NOC3L: variants seen among roughly 807,000 people sequenced by gnomAD.
The protein encoded by NOC3L is nucleolar complex protein 3 homolog.
NOC3L carries 85 observed loss-of-function variants against 102.5 expected under a neutral mutation model. The observed-to-expected ratio is 0.83, with a 90% CI of 0.70 to 0.99. The LOEUF (loss-of-function observed/expected upper bound fraction) is 0.99. Among genes scored for constraint, NOC3L ranks in the 50% least tolerant of loss-of-function variants. The pLI is 0.00. For synonymous variants in NOC3L, 303 were observed against 309.4 expected (o/e 0.98, Z 0.22); for missense variants, 878 against 914.9 (o/e 0.96, Z 0.52).
intron 1 of NOC3L, 28 bp from the exon 2 acceptor site, chr10:94,361,900 T>C (rs1214550232): frequency 6.7e-7 from 1 of 1,487,916 alleles, no homozygotes; most frequent in African/African-American, 1.4e-5. Flanking sequence ...GAATACTGCA[T>C]ACCCAGAAAC....
intron 20 of NOC3L, 63 bp from the exon 21 acceptor site, chr10:94,334,368 G>T: frequency 9.6e-7 from 1 of 1,046,202 alleles, no homozygotes; most frequent in Non-Finnish European, 1.4e-6. Context: ...GCCAACCTGT[G>T]AACCAAGTTG....
At chr10:94,342,553 TACACACACACACAC>T (rs3052367) in intron 13 of NOC3L, among the ~76,000 whole-genome samples, 5 of 148,078 alleles carry the variant, frequency 3.4e-5, no homozygotes, top group Admixed American at 1.4e-4. Context: ...TGCATGAAGA[TACACACACACACAC>T]ACACACACAC....
At chr10:94,316,644 A>G in the NOC3L span, 1 of 1,611,450 alleles carries the variant, frequency 6.2e-7, no homozygotes, top group Non-Finnish European at 8.5e-7. Flanking sequence ...GAATGTAGGA[A>G]ACAACCATTC....
chr10:94,325,650 T>C, the NOC3L span: 4 of 151,964 alleles, frequency 2.6e-5, no homozygotes, highest in Admixed American at 6.5e-5. Context: ...GCTTTTGTAA[T>C]TTTAGACCCC....
chr10:94,325,317 G>C, the NOC3L span: 1 of 483,478 alleles, frequency 2.1e-6, no homozygotes, highest in South Asian at 2.1e-5. Flanking sequence ...AAGGGAAAGA[G>C]GCTGGGCGTG....
At chr10:94,341,431 T>TAAA (rs1285347169) in intron 14 of NOC3L, among the ~76,000 whole-genome samples, 1 of 139,860 alleles carries the variant, frequency 7.2e-6, no homozygotes, top group Admixed American at 7.2e-5. Flanking sequence ...TGCATCAATT[T>TAAA]AAAAAAAAAA....
chr10:94,356,700 T>C (rs1251691822), intron 4 of NOC3L, 109 bp from the exon 5 acceptor site: 4 of 704,622 alleles, frequency 5.7e-6, no homozygotes, highest in African/African-American at 5.3e-5. Context: ...CAGTTACTTT[T>C]ATGGGAAGAG....
chr10:94,322,699 C>T, the NOC3L span, among the ~76,000 whole-genome samples: 3 of 151,890 alleles, frequency 2.0e-5, no homozygotes, highest in Non-Finnish European at 4.4e-5. Flanking sequence ...GCAGGAGAAT[C>T]GCTTGAACCC....
downstream of NOC3L, chr10:94,328,922 C>G (rs190427058): frequency 5.9e-5 from 9 of 152,178 alleles, no homozygotes; most frequent in African/African-American, 1.7e-4. Context: ...ATTGCAATGT[C>G]TTAACAAGAA....
chr10:94,356,039 C>A (rs1193777422), intron 5 of NOC3L, among the ~76,000 whole-genome samples: 2 of 152,112 alleles, frequency 1.3e-5, no homozygotes, highest in Non-Finnish European at 2.9e-5. Flanking sequence ...GTCACAAATT[C>A]CAAACTAATA....
In NOC3L at chr10:94,352,362, G is replaced by C; in HGVS notation, c.900C>G (p.Gly300=). 6.2e-7 allele frequency: 1 copy of C among 1,613,662 alleles called. No individual in the cohort carries two copies. The highest frequency in any genetic ancestry group is 8.5e-7 in the Non-Finnish European group (1 of 1,179,798). The part of the protein sequence containing the change: ...ETQKLREFEE[G]LVSQYKFYLE... Reference sequence around the variant, plus strand: ...AATAAAACTTGTATTGGCTAACCAGGCCTTCTTCAAATTCTCTTAACTTCT... The same window carrying C: ...AATAAAACTTGTATTGGCTAACCAGCCCTTCTTCAAATTCTCTTAACTTCT... The change falls in exon 8 of 21, where the codon GGC becomes GGG. Residue 300 remains glycine (G), a synonymous_variant. Transcript: ENST00000371361.
intron 13 of NOC3L, among the ~76,000 whole-genome samples, 178 bp from the exon 14 acceptor site, chr10:94,341,923 A>G (rs1460701640): frequency 6.6e-6 from 1 of 152,248 alleles, no homozygotes; most frequent in Non-Finnish European, 1.5e-5. Flanking sequence ...AACAATTCAT[A>G]CACCATTGAA....
At chr10:94,327,118 C>T in the NOC3L span, among the ~76,000 whole-genome samples, 2 of 151,946 alleles carry the variant, frequency 1.3e-5, no homozygotes, top group Non-Finnish European at 2.9e-5. Context: ...GCCGAGATTG[C>T]GCCACTGCAC....
At chr10:94,324,785 C>A in the NOC3L span, 1 of 1,205,090 alleles carries the variant, frequency 8.3e-7, no homozygotes, top group Non-Finnish European at 1.2e-6. Flanking sequence ...GCCCTACTCT[C>A]TCCAAAGCTC....
At chr10:94,346,583 T>C (rs749078201) in intron 10 of NOC3L, 27 bp from the exon 11 acceptor site, 1 of 1,238,982 alleles carries the variant, frequency 8.1e-7, no homozygotes, top group Non-Finnish European at 1.1e-6. Flanking sequence ...AACACAAATA[T>C]ACAGCTTAAT....
intron 14 of NOC3L, among the ~76,000 whole-genome samples, chr10:94,341,471 C>CTT (rs1434827344): frequency 6.6e-5 from 10 of 150,990 alleles, no homozygotes; most frequent in Non-Finnish European, 1.5e-4. Flanking sequence ...AACCCTCCTG[C>CTT]TTAAAACTCT....
In NOC3L at chr10:94,358,226, C is replaced by T; in HGVS notation, c.218-11G>A. The T allele has an allele frequency of 8.1e-7, 1 of 1,228,086 alleles. No individual in the cohort carries two copies. The highest frequency in any genetic ancestry group is 1.5e-5 in the African/African-American group (1 of 67,014). The allele number at this position is 1,228,086 out of a possible 1,614,324, so 76.1% of individuals were successfully genotyped here. ...TCTCAATCCTTTTACCTGTACCACA[C>T]ACACACACACACAAAGAAAAATTAG... On this transcript the variant is annotated splice_polypyrimidine_tract_variant and intron_variant, in intron 2 of 20. Transcript: ENST00000371361.
At chr10:94,325,087 G>A in the NOC3L span, 1 of 1,613,562 alleles carries the variant, frequency 6.2e-7, no homozygotes, top group East Asian at 2.2e-5. Context: ...GTGACTAAGG[G>A]CAGCATGTTT....
chr10:94,330,929 G>C (rs997512953), downstream of NOC3L: 4 of 152,060 alleles, frequency 2.6e-5, no homozygotes, highest in Non-Finnish European at 5.9e-5. Flanking sequence ...AAGTTGATGT[G>C]GACAAGAATC....
Sources: allele counts gnomAD v4.1 joint callset (sites outside exome capture counted in the v4.1 genomes callset), GRCh38; gene constraint gnomAD v4.1.1; transcripts MANE v1.5; gene names NCBI Gene and HGNC (gene_info 2026-07-23, HGNC 2026-07-21).